Variants in PRKDC observed in about 807,000 individuals in gnomAD.
The protein encoded by PRKDC is protein kinase, DNA-activated, catalytic subunit, also known as DNA-dependent protein kinase catalytic subunit.
In PRKDC, 82 loss-of-function variants were observed where a neutral mutation model predicts 486.9. The ratio of observed to expected loss-of-function variants is 0.17; its 90% CI spans 0.14 to 0.20. The LOEUF is 0.20. Among genes scored for constraint, PRKDC ranks in the 10% least tolerant of loss-of-function variants. The probability of loss-of-function intolerance (pLI) is 1.00; values close to 1 mark genes in which losing one functional copy is unlikely to be tolerated. For synonymous variants in PRKDC, 1,895 were observed against 1,837.0 expected (o/e 1.03, Z -0.81); for missense variants, 4,504 against 5,038.2 (o/e 0.89, Z 3.21).
At chr8:47,929,250 A>G (rs1275035520) in intron 18 of PRKDC, 72 bp from the exon 19 acceptor site, 1 of 1,073,750 alleles carries the variant, frequency 9.3e-7, no homozygotes, top group African/African-American at 1.6e-5. Flanking sequence ...AGTAGTTCCT[A>G]GCCTGTCTTC....
chr8:47,906,072 G>A (rs1162470915), intron 25 of PRKDC, among the ~76,000 whole-genome samples: 2 of 152,190 alleles, frequency 1.3e-5, no homozygotes, highest in Non-Finnish European at 2.9e-5. Flanking sequence ...TGCTGGCCAG[G>A]CGCAGTGGTT....
At chr8:47,892,129 C>A (rs1017336507) in intron 31 of PRKDC, among the ~76,000 whole-genome samples, 1 of 152,130 alleles carries the variant, frequency 6.6e-6, no homozygotes, top group Non-Finnish European at 1.5e-5. Context: ...CTCGGCCTCC[C>A]AAATTGCTGG....
At chr8:47,934,348 G>C (rs1160516568) in intron 14 of PRKDC, among the ~76,000 whole-genome samples, 1 of 152,148 alleles carries the variant, frequency 6.6e-6, no homozygotes, top group East Asian at 1.9e-4. Flanking sequence ...AACCAGCCTG[G>C]CCAACATGGC....
intron 69 of PRKDC, among the ~76,000 whole-genome samples, chr8:47,804,343 A>T (rs1449839625): frequency 7.7e-6 from 1 of 129,464 alleles, no homozygotes; most frequent in Non-Finnish European, 1.6e-5. Flanking sequence ...CTTATTGCCC[A>T]GGCTGGAGTG....
intron 69 of PRKDC, among the ~76,000 whole-genome samples, chr8:47,803,840 C>T (rs553124671): frequency 6.6e-6 from 1 of 151,038 alleles, no homozygotes; most frequent in Admixed American, 6.6e-5. Flanking sequence ...CCCAGCTACT[C>T]TGGACACTAA....
intron 36 of PRKDC, 127 bp from the exon 37 acceptor site, chr8:47,882,224 T>G: frequency 1.1e-6 from 1 of 888,726 alleles, no homozygotes; most frequent in Non-Finnish European, 1.7e-6. Context: ...GATGTTTATC[T>G]ACTTCAAAAC....
At chr8:47,925,099 G>A (rs1328892032) in intron 21 of PRKDC, among the ~76,000 whole-genome samples, 3 of 152,138 alleles carry the variant, frequency 2.0e-5, no homozygotes, top group Non-Finnish European at 4.4e-5. Context: ...ACACCCTTGG[G>A]AGCACCTGGG....
At chr8:47,923,086 T>C (rs1352553703) in intron 21 of PRKDC, among the ~76,000 whole-genome samples, 1 of 151,232 alleles carries the variant, frequency 6.6e-6, no homozygotes, top group African/African-American at 2.4e-5. Context: ...TTTTTTGAGA[T>C]GAAGTCTCAC....
intron 26 of PRKDC, among the ~76,000 whole-genome samples, chr8:47,903,573 C>T (rs1177417748): frequency 3.9e-5 from 6 of 152,146 alleles, no homozygotes; most frequent in Admixed American, 3.9e-4. Context: ...AGGTCACCAG[C>T]GCCAAGTGGT....
chr8:47,834,816 G>A (rs930696694), intron 58 of PRKDC, among the ~76,000 whole-genome samples: 10 of 148,752 alleles, frequency 6.7e-5, no homozygotes, highest in African/African-American at 1.2e-4. Flanking sequence ...TCAGCCTCCC[G>A]AGTAGCTGGG....
intron 12 of PRKDC, 122 bp downstream of exon 12, chr8:47,936,231 T>A: frequency 7.2e-6 from 8 of 1,106,530 alleles, no homozygotes; most frequent in Non-Finnish European, 1.0e-5. Flanking sequence ...CACAAAGTAC[T>A]AACTAAAACT....
rs555601095 is a variant in PRKDC, at chr8:47,825,396, C to T, written c.8783+1260G>A. 2.6e-4 allele frequency among the ~76,000 whole-genome samples: 39 copies of T among 148,800 alleles called. No individual in the cohort carries two copies. The South Asian group carries it at 7.5e-3, about 28-fold the overall frequency. On this transcript the variant is annotated intron_variant, in intron 63 of 85. Coordinates refer to ENST00000314191, the MANE Select transcript of PRKDC (RefSeq NM_006904.7). ...TGGTGGCAGGTGCCTGTAATCCCAG[C>T]TACTTGGGAGGCTGAGGCAGGAGAA... is the stretch of plus-strand genomic sequence containing the variant.
At chr8:47,953,311 A>T (rs1185922489) in intron 7 of PRKDC, among the ~76,000 whole-genome samples, 2 of 152,214 alleles carry the variant, frequency 1.3e-5, no homozygotes, top group Non-Finnish European at 2.9e-5. Flanking sequence ...TGTCTCAAAA[A>T]AAATAAATAA....
intron 48 of PRKDC, among the ~76,000 whole-genome samples, chr8:47,858,104 G>A (rs2088585690): frequency 6.6e-6 from 1 of 152,014 alleles, no homozygotes; most frequent in Non-Finnish European, 1.5e-5. Context: ...ACTCCAAGAT[G>A]CTCCTACCTC....
chr8:47,938,419 AAAAAAAAAAAAG>A (rs1421459124), intron 11 of PRKDC, among the ~76,000 whole-genome samples: 2 of 144,682 alleles, frequency 1.4e-5, no homozygotes, highest in Non-Finnish European at 3.1e-5. Flanking sequence ...CTCAAAAATT[AAAAAAAAAAAAG>A]AAAGAAAAAA....
Position 47,828,323 on chromosome 8 carries a change from G to C in PRKDC, c.8422C>G (p.Leu2808Val). Reference protein sequence around the residue: ...AQRDPIIAKQLFSSLFSGILK... With the variant: ...AQRDPIIAKQVFSSLFSGILK... ...ATTCCAGAAAACAAGCTGCTAAAGA[G>C]CTGTTTTGCAATTATTGGGTCCCTC... Residue 2808 changes from leucine (L) to valine (V), a missense_variant, in exon 62 of 86, where the codon CTC (leucine) becomes GTC (valine). Coordinates refer to ENST00000314191, the MANE Select transcript of PRKDC (RefSeq NM_006904.7). 1 of 1,588,032 alleles carries C rather than the reference G, an allele frequency of 6.3e-7. No homozygotes were observed. Among genetic ancestry groups the C allele is most frequent in the South Asian group, 1.2e-5 (1 of 86,354 alleles).
intron 31 of PRKDC, among the ~76,000 whole-genome samples, chr8:47,891,675 G>A (rs1235849767): frequency 2.0e-5 from 3 of 151,950 alleles, no homozygotes; most frequent in Admixed American, 1.3e-4. Context: ...AGCCAAGATC[G>A]CGCCACTGCA....
intron 26 of PRKDC, 99 bp downstream of exon 26, chr8:47,904,770 G>A (rs2089743788): frequency 3.2e-6 from 3 of 940,910 alleles, no homozygotes; most frequent in Non-Finnish European, 4.7e-6. Context: ...TCCAGCCTGG[G>A]CGACGGAGCA....
At chr8:47,830,092 G>C (rs1257943950) in intron 61 of PRKDC, among the ~76,000 whole-genome samples, 1 of 152,158 alleles carries the variant, frequency 6.6e-6, no homozygotes, top group Non-Finnish European at 1.5e-5. Flanking sequence ...CAGACCAATG[G>C]AACAGAATAG....
Sources: gnomAD v4.1 joint callset for allele counts (sites outside exome capture counted in the v4.1 genomes callset) on GRCh38, gnomAD v4.1.1 for gene constraint, MANE v1.5 for transcripts, NCBI Gene and HGNC (gene_info 2026-07-23, HGNC 2026-07-21) for gene names.